TENM4: variants seen among roughly 807,000 people sequenced by gnomAD.
The protein encoded by TENM4 is teneurin-4.
In TENM4, 82 loss-of-function variants were observed where a neutral mutation model predicts 243.3. The observed-to-expected ratio is 0.34, with a 90% CI of 0.28 to 0.40. TENM4 has a LOEUF of 0.40. TENM4 is among the 10% of genes least tolerant of loss of function. The pLI is 1.00. For synonymous variants in TENM4, 1,412 were observed against 1,456.3 expected, an observed-to-expected ratio of 0.97 and a Z score of 0.69; for missense variants, 3,138 against 3,673.3, an observed-to-expected ratio of 0.85 and a Z score of 3.77.
intron 9 of TENM4, among the ~76,000 whole-genome samples, chr11:78,882,890 T>G (rs1266935800): frequency 6.6e-6 from 1 of 152,194 alleles, no homozygotes; most frequent in Non-Finnish European, 1.5e-5. Flanking sequence ...TACTCCACAA[T>G]CAGTCCTTCT....
chr11:78,995,273 G>T (rs2136678760), intron 6 of TENM4, among the ~76,000 whole-genome samples: 1 of 152,308 alleles, frequency 6.6e-6, no homozygotes, highest in Non-Finnish European at 1.5e-5. Context: ...TGGAGAGGCA[G>T]ATCAGCTCTT....
chr11:79,245,267 C>T (rs1169822183), intron 2 of TENM4, among the ~76,000 whole-genome samples: 2 of 152,234 alleles, frequency 1.3e-5, no homozygotes, highest in Non-Finnish European at 2.9e-5. Flanking sequence ...GTCTCCCTAT[C>T]TTTCTTCTCA....
intron 7 of TENM4, among the ~76,000 whole-genome samples, chr11:78,900,019 TTA>T (rs1855894139): frequency 1.3e-5 from 2 of 152,292 alleles, no homozygotes; most frequent in Admixed American, 6.5e-5. Context: ...AAGATGTCAA[TTA>T]TGTTAGTGAA....
chr11:78,775,931 G>T (rs1856731600), intron 17 of TENM4, among the ~76,000 whole-genome samples: 1 of 152,196 alleles, frequency 6.6e-6, no homozygotes, highest in Non-Finnish European at 1.5e-5. Flanking sequence ...ATGATTAGAA[G>T]ACTTTCAGAA....
intron 2 of TENM4, among the ~76,000 whole-genome samples, chr11:79,261,825 ATACTGG>A (rs1195453179): frequency 6.6e-6 from 1 of 152,102 alleles, no homozygotes; most frequent in Non-Finnish European, 1.5e-5. Flanking sequence ...CCAGAGACAA[ATACTGG>A]GGCAGGCCTC....
chr11:79,341,817 C>G (rs537710324), intron 1 of TENM4, among the ~76,000 whole-genome samples: 1 of 152,226 alleles, frequency 6.6e-6, no homozygotes, highest in Non-Finnish European at 1.5e-5. Flanking sequence ...TTCACATTCT[C>G]TATGACATTT....
At chr11:79,087,089 T>G (rs1194305846) in intron 4 of TENM4, among the ~76,000 whole-genome samples, 1 of 152,206 alleles carries the variant, frequency 6.6e-6, no homozygotes. Context: ...CTTGCAAATG[T>G]AGGCACTTAA....
At position 79,014,990 on chromosome 11, in the gene TENM4, C is replaced by A. The variant is rs571671750; in HGVS notation, c.493+49748G>T. On this transcript the variant is annotated intron_variant, in intron 6 of 33. Coordinates refer to ENST00000278550, the MANE Select transcript of TENM4 (RefSeq NM_001098816.3). The stretch of plus-strand genomic sequence containing the variant: ...AAGAATTTGGGAGCCCCTTTAGGAT[C>A]CACTCATCCCTGTATCTCCAGGCCC... Among the ~76,000 whole-genome samples, 10 of 152,316 alleles carry A rather than the reference C, an allele frequency of 6.6e-5. No individual in the cohort carries two copies. The South Asian group carries it at 2.1e-3, about 32-fold the overall frequency.
At chr11:79,033,350 T>C (rs1239932738) in intron 6 of TENM4, among the ~76,000 whole-genome samples, 1 of 152,140 alleles carries the variant, frequency 6.6e-6, no homozygotes, top group African/African-American at 2.4e-5. Context: ...GTATGTGTGC[T>C]GGGAAGGAAG....
At chr11:79,099,857 T>C (rs756675720) in intron 4 of TENM4, among the ~76,000 whole-genome samples, 2 of 152,252 alleles carry the variant, frequency 1.3e-5, no homozygotes, top group Non-Finnish European at 2.9e-5. Flanking sequence ...CAAACACTTG[T>C]ACTGTAACCT....
chr11:79,371,756 T>C (rs1245684638), intron 1 of TENM4, among the ~76,000 whole-genome samples: 1 of 152,192 alleles, frequency 6.6e-6, no homozygotes, highest in African/African-American at 2.4e-5. Flanking sequence ...TTGTTGTTAC[T>C]AGTGAAGTCA....
chr11:79,266,923 T>C (rs1372690226), intron 2 of TENM4, among the ~76,000 whole-genome samples: 1 of 152,258 alleles, frequency 6.6e-6, no homozygotes, highest in Non-Finnish European at 1.5e-5. Flanking sequence ...AATTATGAGA[T>C]ACAAAACACG....
chr11:78,662,963 C>T (rs190546873), intron 32 of TENM4, among the ~76,000 whole-genome samples: 23 of 152,322 alleles, frequency 1.5e-4, no homozygotes, highest in Admixed American at 1.4e-3. Flanking sequence ...GATGACTATA[C>T]TAGGCAAGGC....
At chr11:78,855,932 C>G in intron 11 of TENM4, 32 bp downstream of exon 11, 1 of 1,543,580 alleles carries the variant, frequency 6.5e-7, no homozygotes, top group Non-Finnish European at 8.8e-7. Flanking sequence ...GGAGCCCATG[C>G]AGATCAACAG....
intron 1 of TENM4, among the ~76,000 whole-genome samples, chr11:79,403,223 C>G (rs1253575479): frequency 6.6e-6 from 1 of 152,196 alleles, no homozygotes; most frequent in Non-Finnish European, 1.5e-5. Context: ...CAACGATTCT[C>G]CCATGCACAT....
chr11:78,965,304 AC>A (rs767376331), intron 6 of TENM4, among the ~76,000 whole-genome samples: 75 of 151,632 alleles, frequency 4.9e-4, no homozygotes, highest in Non-Finnish European at 9.3e-4. Flanking sequence ...AGGTAACAAA[AC>A]CGCCCCACCA....
At chr11:78,672,418 G>A in intron 30 of TENM4, 89 bp from the exon 31 acceptor site, 1 of 1,433,440 alleles carries the variant, frequency 7.0e-7, no homozygotes, top group South Asian at 1.3e-5. Flanking sequence ...GCTCTGCTGG[G>A]AAGCTCTTGA....
chr11:79,293,959 G>C (rs1228554101), intron 2 of TENM4, among the ~76,000 whole-genome samples: 2 of 152,218 alleles, frequency 1.3e-5, no homozygotes, highest in Non-Finnish European at 2.9e-5. Flanking sequence ...GGCATCCCCA[G>C]TTTTGCATAC....
At chr11:78,763,491 G>A (rs1296615880) in intron 18 of TENM4, among the ~76,000 whole-genome samples, 1 of 152,222 alleles carries the variant, frequency 6.6e-6, no homozygotes, top group African/African-American at 2.4e-5. Flanking sequence ...CTCACATGCT[G>A]CTGGTGCATG....
Sources: gnomAD v4.1 joint callset for allele counts (sites outside exome capture counted in the v4.1 genomes callset) on GRCh38, gnomAD v4.1.1 for gene constraint, MANE v1.5 for transcripts, NCBI Gene and HGNC (gene_info 2026-07-23, HGNC 2026-07-21) for gene names.